The following SPATA6L variants were observed in gnomAD, a reference collection of about 807,000 sequenced individuals.
SPATA6L encodes the protein spermatogenesis associated 6-like protein.
A neutral mutation model predicts 49.2 loss-of-function variants in SPATA6L; 68 were observed. The observed-to-expected ratio is 1.38, with a 90% CI of 1.14 to 1.69. The LOEUF is 1.69. Ranked by LOEUF, SPATA6L falls within the 40% of genes most tolerant of loss-of-function variation. The pLI is 0.00. For missense variants in SPATA6L, 668 were observed against 464.3 expected, an observed-to-expected ratio of 1.44 and a Z score of -4.03; for synonymous variants, 198 against 165.7, an observed-to-expected ratio of 1.19 and a Z score of -1.50.
At chr9:4,644,149 C>G (rs572346226) in intron 3 of SPATA6L, among the ~76,000 whole-genome samples, 8 of 123,430 alleles carry the variant, frequency 6.5e-5, no homozygotes, top group African/African-American at 2.3e-4. Flanking sequence ...GAGTTTGAGA[C>G]CAGCCTAGGC....
intron 4 of SPATA6L, among the ~76,000 whole-genome samples, chr9:4,630,722 GA>G (rs1458646653): frequency 6.6e-6 from 1 of 152,190 alleles, no homozygotes; most frequent in Admixed American, 6.5e-5. Flanking sequence ...CAAGAGAAAA[GA>G]AGCCAACACC....
In SPATA6L at chr9:4,662,511, A is replaced by C; in HGVS notation, c.40-475T>G. The stretch of plus-strand genomic sequence containing the variant: ...GTTTGAGTTCCAGTCCCTGCTCAGC[A>C]GCCGCGCCACGGCCGTGGACCCCAC... On this transcript the variant is annotated intron_variant, in intron 1 of 11. Transcript: ENST00000682582. This position sits in a 1 kb window ranked among gnomAD's most constrained non-coding sequence, Gnocchi z 4.9. The C allele has an allele frequency of 1.3e-6, 2 of 1,560,728 alleles. No individual in the cohort carries two copies. The highest frequency in any genetic ancestry group is 1.7e-6 in the Non-Finnish European group (2 of 1,162,616).
chr9:4,628,366 C>T (rs1310878347), intron 5 of SPATA6L: 4 of 152,172 alleles, frequency 2.6e-5, no homozygotes, highest in East Asian at 1.9e-4. Flanking sequence ...CTCATGTACC[C>T]CATAAATATA....
rs12337028 is a variant in SPATA6L at position 4,639,262 on chromosome 9, T to C, written c.227-3863A>G. ...TGGGAACAAACACCTAGATGCATGA[T>C]ATGATGTTCTACACAGGAGGCCTTT... On this transcript the variant is annotated intron_variant, in intron 3 of 11. Coordinates refer to ENST00000682582, the MANE Select transcript of SPATA6L (RefSeq NM_001353486.2). Among the ~76,000 whole-genome samples the C allele has an allele frequency of 4.1e-3, 629 of 152,226 alleles. 5 individuals carry two copies. Among genetic ancestry groups the C allele is most frequent in the African/African-American group, 0.014 (596 of 41,520 alleles).
intron 11 of SPATA6L, among the ~76,000 whole-genome samples, chr9:4,603,593 A>G (rs1823919619): frequency 6.6e-6 from 1 of 152,222 alleles, no homozygotes; most frequent in South Asian, 2.1e-4. Context: ...ATTGTATGGC[A>G]CTAAATACTG....
intron 3 of SPATA6L, among the ~76,000 whole-genome samples, chr9:4,651,150 A>G (rs1836757902): frequency 6.6e-6 from 1 of 152,098 alleles, no homozygotes; most frequent in East Asian, 1.9e-4. Context: ...CCACAGGCAC[A>G]TGCCACCACA....
At chr9:4,616,921 T>C (rs1828161647) in intron 9 of SPATA6L, among the ~76,000 whole-genome samples, 1 of 152,220 alleles carries the variant, frequency 6.6e-6, no homozygotes, top group African/African-American at 2.4e-5. Flanking sequence ...TGTATTATTT[T>C]CTTCTAATAA....
chr9:4,594,036 G>T (rs1047635183), downstream of SPATA6L, among the ~76,000 whole-genome samples: 1 of 152,296 alleles, frequency 6.6e-6, no homozygotes, highest in Non-Finnish European at 1.5e-5. Flanking sequence ...GTCTACAGCT[G>T]CCCTTGGTTT....
rs59433051 is a variant in SPATA6L at position 4,644,685 on chromosome 9, T to TCACACA, written c.227-9292_227-9287dup. ...CTCTCTCTCTCTCTCTCTCTCTCTCTCACACACACACACACACACACACAC... is the reference window on the plus strand; with the variant it reads ...CTCTCTCTCTCTCTCTCTCTCTCTCTCACACACACACACACACACACACACACACAC... On this transcript the variant is annotated intron_variant, in intron 3 of 11. Coordinates refer to ENST00000682582, the MANE Select transcript of SPATA6L (RefSeq NM_001353486.2). 2.5e-3 allele frequency among the ~76,000 whole-genome samples: 271 copies of TCACACA among 107,746 alleles called. 2 individuals carry two copies. Among genetic ancestry groups the TCACACA allele is most frequent in the Middle Eastern group, 0.01 (2 of 192 alleles). 70.7% of individuals were successfully genotyped at this position (107,746 alleles called of 152,430 possible). A position where few individuals can be genotyped will look rare whatever the true frequency, so the allele number is the denominator to read the frequency against.
At chr9:4,657,953 C>A (rs1039382265) in intron 2 of SPATA6L, among the ~76,000 whole-genome samples, 4 of 152,120 alleles carry the variant, frequency 2.6e-5, no homozygotes, top group Non-Finnish European at 5.9e-5. Context: ...ACTTCCCCCA[C>A]CCCCAATTTT....
At chr9:4,645,827 C>A (rs958496904) in intron 3 of SPATA6L, among the ~76,000 whole-genome samples, 14 of 151,926 alleles carry the variant, frequency 9.2e-5, no homozygotes, top group Admixed American at 9.2e-4. Flanking sequence ...GTGGCCAGGG[C>A]CTGGAGGAGG....
intron 5 of SPATA6L, chr9:4,626,735 C>A (rs1353253781): frequency 1.4e-5 from 5 of 359,226 alleles, no homozygotes; most frequent in Admixed American, 7.8e-5. Flanking sequence ...AAGTGCTCAA[C>A]AAAAGGAAAA....
chr9:4,613,035 C>T (rs1267801649), intron 9 of SPATA6L, among the ~76,000 whole-genome samples: 1 of 152,034 alleles, frequency 6.6e-6, no homozygotes, highest in Non-Finnish European at 1.5e-5. Context: ...CCAGACCAGC[C>T]TGGCTAAAGT....
chr9:4,605,537 T>C (rs1273324952), intron 9 of SPATA6L, 97 bp from the exon 10 acceptor site: 2 of 804,722 alleles, frequency 2.5e-6, no homozygotes, highest in Non-Finnish European at 4.0e-6. Context: ...AACTTAATTA[T>C]AATAAAAAAC....
intron 3 of SPATA6L, among the ~76,000 whole-genome samples, chr9:4,637,243 C>T (rs77544694): frequency 0.077 from 11,725 of 152,102 alleles, 709 homozygotes; most frequent in Admixed American, 0.15. Context: ...ATTGTTCTTC[C>T]TCCCTCTAAG....
intron 10 of SPATA6L, among the ~76,000 whole-genome samples, chr9:4,604,861 T>A (rs537698326): frequency 6.6e-6 from 1 of 152,290 alleles, no homozygotes; most frequent in East Asian, 1.9e-4. Context: ...TACCTACCAA[T>A]GGATCAGAAG....
chr9:4,662,480 C>G lies in SPATA6L; in HGVS notation c.40-444G>C, dbSNP rs749206546. ...CAGCCCATGGCGGCGGTGGCGGCGG[C>G]AGCAGGTTTGAGTTCCAGTCCCTGC... On this transcript the variant is annotated intron_variant, in intron 1 of 11. Transcript: ENST00000682582. The surrounding 1 kb of genome is among the most constrained non-coding windows in gnomAD (Gnocchi z 4.9). The G allele has an allele frequency of 6.4e-7, 1 of 1,552,528 alleles. No homozygotes were observed. Among genetic ancestry groups the G allele is most frequent in the South Asian group, 1.2e-5 (1 of 85,452 alleles).
intron 2 of SPATA6L, among the ~76,000 whole-genome samples, chr9:4,656,989 T>A (rs1170784441): frequency 6.6e-6 from 1 of 152,162 alleles, no homozygotes; most frequent in South Asian, 2.1e-4. Flanking sequence ...GTCTCAAAAG[T>A]TTTAAGTGTA....
chr9:4,605,750 T>A (rs1400075096), intron 9 of SPATA6L, among the ~76,000 whole-genome samples: 1 of 152,242 alleles, frequency 6.6e-6, no homozygotes, highest in Non-Finnish European at 1.5e-5. Flanking sequence ...ACTTTTACAT[T>A]TAAAATTTTA....
Sources: allele counts gnomAD v4.1 joint callset (sites outside exome capture counted in the v4.1 genomes callset), GRCh38; gene constraint gnomAD v4.1.1; non-coding constraint Gnocchi (gnomAD v3.1); transcripts MANE v1.5; gene names NCBI Gene and HGNC (gene_info 2026-07-23, HGNC 2026-07-21).